TNNI3K: variants seen among roughly 807,000 people sequenced by gnomAD.
The protein encoded by TNNI3K is serine/threonine-protein kinase TNNI3K.
A neutral mutation model predicts 114.5 loss-of-function variants in TNNI3K; 140 were observed. That is an observed-to-expected ratio of 1.22 (90% confidence interval 1.07 to 1.41). The LOEUF (loss-of-function observed/expected upper bound fraction) is 1.41. Ranked by LOEUF, TNNI3K falls within the 40% of genes most tolerant of loss-of-function variation. TNNI3K has a pLI of 0.00. For synonymous variants in TNNI3K, 347 were observed against 347.5 expected, an observed-to-expected ratio of 1.00 and a Z score of 0.02; for missense variants, 1,125 against 1,007.6, an observed-to-expected ratio of 1.12 and a Z score of -1.58.
In TNNI3K at chr1:74,409,713, C is replaced by G. The variant is rs561203078; in HGVS notation, c.1773-26367C>G. Among the ~76,000 whole-genome samples the G allele has an allele frequency of 2.0e-5, 3 of 151,956 alleles. No homozygotes were observed. In the East Asian group the frequency reaches 5.8e-4, roughly 29 times the overall value. On this transcript the variant is annotated intron_variant, in intron 17 of 24. Transcript: ENST00000326637. Reference sequence around the variant, plus strand: ...TTCACCTTGTTGGCCAGGCTGGTCTCGAACTCCTGACCTCAAGTGATCCAC... The same window carrying G: ...TTCACCTTGTTGGCCAGGCTGGTCTGGAACTCCTGACCTCAAGTGATCCAC...
intron 21 of TNNI3K, among the ~76,000 whole-genome samples, chr1:74,476,438 C>A (rs1463960779): frequency 3.3e-5 from 5 of 152,060 alleles, no homozygotes; most frequent in Non-Finnish European, 7.4e-5. Flanking sequence ...TCTGTTTATT[C>A]ATTCATATGC....
chr1:74,282,284 A>G (rs528470065), intron 5 of TNNI3K, among the ~76,000 whole-genome samples: 1 of 152,190 alleles, frequency 6.6e-6, no homozygotes, highest in South Asian at 2.1e-4. Flanking sequence ...TCACTTGTTC[A>G]TGTACAACTA....
chr1:74,341,673 C>G (rs1026474120), intron 7 of TNNI3K: 1 of 151,610 alleles, frequency 6.6e-6, no homozygotes, highest in Non-Finnish European at 1.5e-5. Context: ...TTCCTCAGAA[C>G]AGAGTAGAAA....
intron 23 of TNNI3K, among the ~76,000 whole-genome samples, chr1:74,495,378 T>A (rs1669276908): frequency 6.6e-6 from 1 of 152,220 alleles, no homozygotes; most frequent in Non-Finnish European, 1.5e-5. Context: ...ACTGTATCCT[T>A]AGTATCTATC....
At chr1:74,488,536 A>T (rs540214886) in intron 21 of TNNI3K, among the ~76,000 whole-genome samples, 1 of 152,238 alleles carries the variant, frequency 6.6e-6, no homozygotes, top group Non-Finnish European at 1.5e-5. Flanking sequence ...AACATTTTCT[A>T]AAATTCCAAG....
intron 17 of TNNI3K, among the ~76,000 whole-genome samples, chr1:74,404,007 C>T (rs1407212776): frequency 6.6e-6 from 1 of 151,980 alleles, no homozygotes; most frequent in South Asian, 2.1e-4. Context: ...AGTTAAGAAC[C>T]TGGACCCCAC....
chr1:74,300,252 G>C (rs556655346), intron 5 of TNNI3K, among the ~76,000 whole-genome samples: 11 of 152,102 alleles, frequency 7.2e-5, no homozygotes, highest in Non-Finnish European at 1.3e-4. Flanking sequence ...TGGACCACAC[G>C]ATTTGTTTTT....
At position 74,463,482 on chromosome 1, in the gene TNNI3K, C is replaced by T. The variant is rs143618297; in HGVS notation, c.2053C>T (p.Pro685Ser). The change falls in exon 21 of 25, where the codon CCC (proline) becomes TCC (serine). Residue 685 changes from proline to serine, a missense_variant. Transcript: ENST00000326637. ...CATGGCTTACCACCACATCAGACCT[C>T]CCATTGGCTATTCCATTCCCAAGCC... ...ADMAYHHIRP[P>S]IGYSIPKPIS... 2.1e-4 allele frequency: 334 copies of T among 1,614,090 alleles called. No individual in the cohort carries two copies. The highest frequency in any genetic ancestry group is 2.7e-4 in the Non-Finnish European group (317 of 1,180,046).
intron 17 of TNNI3K, among the ~76,000 whole-genome samples, chr1:74,426,807 G>A (rs575924717): frequency 6.3e-4 from 95 of 151,986 alleles, no homozygotes; most frequent in Non-Finnish European, 1.1e-3. Context: ...AGAAGAATCC[G>A]GTGACACTTC....
chr1:74,498,443 T>C (rs1452623636), intron 23 of TNNI3K, among the ~76,000 whole-genome samples: 1 of 152,224 alleles, frequency 6.6e-6, no homozygotes, highest in African/African-American at 2.4e-5. Flanking sequence ...TATTAGATCA[T>C]AAATATGTTA....
chr1:74,327,636 G>A (rs552912), intron 5 of TNNI3K, among the ~76,000 whole-genome samples: 144,982 of 145,374 alleles, frequency 1, 72,297 homozygotes, highest in Non-Finnish European at 1. Flanking sequence ...TTATATGTCA[G>A]ATATGTCTTT....
intron 9 of TNNI3K, among the ~76,000 whole-genome samples, chr1:74,349,037 A>C (rs1024953611): frequency 6.6e-6 from 1 of 152,060 alleles, no homozygotes; most frequent in African/African-American, 2.4e-5. Flanking sequence ...CGCTATGTTG[A>C]ATAGGAGTGG....
At chr1:74,308,892 G>A (rs1020358683) in intron 5 of TNNI3K, among the ~76,000 whole-genome samples, 1 of 152,038 alleles carries the variant, frequency 6.6e-6, no homozygotes, top group Non-Finnish European at 1.5e-5. Context: ...ACACAAACTA[G>A]AAAACCTTGA....
chr1:74,436,361 G>A, intron 18 of TNNI3K, 113 bp from the exon 19 acceptor site: 1 of 1,286,784 alleles, frequency 7.8e-7, no homozygotes, highest in Non-Finnish European at 1.1e-6. Flanking sequence ...GAGAAGGGAA[G>A]TGAGAATTTG....
intron 23 of TNNI3K, among the ~76,000 whole-genome samples, chr1:74,506,438 T>G (rs1191096030): frequency 6.6e-6 from 1 of 152,186 alleles, no homozygotes; most frequent in African/African-American, 2.4e-5. Flanking sequence ...AGCCCATGAT[T>G]TTTTTACTAC....
intron 4 of TNNI3K, among the ~76,000 whole-genome samples, chr1:74,255,824 T>C (rs1159831036): frequency 6.6e-6 from 1 of 152,200 alleles, no homozygotes; most frequent in Non-Finnish European, 1.5e-5. Context: ...AAGTGTTTTC[T>C]GTCACTATAG....
At chr1:74,256,801 T>A (rs923215962) in intron 4 of TNNI3K, among the ~76,000 whole-genome samples, 4 of 152,148 alleles carry the variant, frequency 2.6e-5, no homozygotes, top group Admixed American at 1.3e-4. Context: ...CTATACATGA[T>A]AAGAACCTAA....
At chr1:74,252,802 T>C (rs1374725157) in intron 4 of TNNI3K, among the ~76,000 whole-genome samples, 1 of 152,132 alleles carries the variant, frequency 6.6e-6, no homozygotes, top group Non-Finnish European at 1.5e-5. Context: ...TTACAGCTCA[T>C]AAAGGCAGTG....
chr1:74,414,771 A>G (rs181271426), intron 17 of TNNI3K, among the ~76,000 whole-genome samples: 8 of 152,274 alleles, frequency 5.3e-5, no homozygotes, highest in Non-Finnish European at 1.0e-4. Context: ...ACTGTTTCTC[A>G]CTATCGGCAT....
Sources: gnomAD v4.1 joint callset for allele counts (sites outside exome capture counted in the v4.1 genomes callset) on GRCh38, gnomAD v4.1.1 for gene constraint, MANE v1.5 for transcripts, NCBI Gene and HGNC (gene_info 2026-07-23, HGNC 2026-07-21) for gene names.